PDE4B: variants seen among roughly 807,000 people sequenced by gnomAD.
The protein encoded by PDE4B is phosphodiesterase 4B.
Under a neutral mutation model 82.2 loss-of-function variants are expected in PDE4B, and 20 were observed. The ratio of observed to expected loss-of-function variants is 0.24; its 90% CI spans 0.17 to 0.35. The LOEUF (loss-of-function observed/expected upper bound fraction) is 0.35, where lower values mean the gene tolerates loss of function less well. Ranked by LOEUF, PDE4B falls within the 10% of genes least tolerant of loss-of-function variation. The pLI is 1.00. For synonymous variants in PDE4B, 320 were observed against 318.9 expected (o/e 1.00, Z -0.04); for missense variants, 655 against 907.2 (o/e 0.72, Z 3.57).
At chr1:66,180,506 G>T (rs895938714) in intron 3 of PDE4B, among the ~76,000 whole-genome samples, 1 of 152,152 alleles carries the variant, frequency 6.6e-6, no homozygotes, top group Non-Finnish European at 1.5e-5. Context: ...GCTCAAGTCA[G>T]GGAACTGTTC....
chr1:66,327,558 T>C (rs1259878550), intron 7 of PDE4B, among the ~76,000 whole-genome samples: 2 of 152,226 alleles, frequency 1.3e-5, no homozygotes, highest in Non-Finnish European at 2.9e-5. Context: ...ACTAAAAGGT[T>C]TACAGTCCAT....
At chr1:65,802,475 A>G (rs538754746) in intron 1 of PDE4B, among the ~76,000 whole-genome samples, 2 of 152,168 alleles carry the variant, frequency 1.3e-5, no homozygotes, top group African/African-American at 2.4e-5. Flanking sequence ...TATCTTATGC[A>G]CCAGAACTAT....
rs74795330 is a variant in PDE4B at position 66,143,483 on chromosome 1, T to A, written c.282-103977T>A. 5.5e-4 allele frequency among the ~76,000 whole-genome samples: 83 copies of A among 152,280 alleles called. No individual in the cohort carries two copies. In the East Asian group the frequency reaches 0.016, roughly 29 times the overall value. On this transcript the variant is annotated intron_variant, in intron 3 of 16. Coordinates refer to ENST00000341517, the MANE Select transcript of PDE4B (RefSeq NM_002600.4). ...TGAGACTAATAGGGCTTTGGTTAATTGGAACAGGACAGTGAAGTCAGAAGA... is the reference window on the plus strand; with the variant it reads ...TGAGACTAATAGGGCTTTGGTTAATAGGAACAGGACAGTGAAGTCAGAAGA...
intron 9 of PDE4B, among the ~76,000 whole-genome samples, chr1:66,356,128 G>A (rs561526867): frequency 3.2e-4 from 49 of 152,296 alleles, no homozygotes; most frequent in African/African-American, 1.0e-3. Flanking sequence ...CTATTGCTTT[G>A]CTAAGTTATT....
intron 3 of PDE4B, among the ~76,000 whole-genome samples, chr1:66,084,226 T>C (rs1439969564): frequency 1.3e-5 from 2 of 152,138 alleles, no homozygotes; most frequent in Admixed American, 1.3e-4. Flanking sequence ...AAACATACAA[T>C]ATAATGCTGG....
At chr1:65,879,612 T>C (rs1274772307) in intron 1 of PDE4B, among the ~76,000 whole-genome samples, 1 of 152,038 alleles carries the variant, frequency 6.6e-6, no homozygotes, top group Non-Finnish European at 1.5e-5. Flanking sequence ...AATAGGAAAC[T>C]AGAACCCAGT....
At chr1:66,039,179 A>G (rs1180898116) in intron 3 of PDE4B, among the ~76,000 whole-genome samples, 1 of 152,128 alleles carries the variant, frequency 6.6e-6, no homozygotes, top group South Asian at 2.1e-4. Flanking sequence ...TATTGGACAC[A>G]CAATAGATAA....
intron 3 of PDE4B, among the ~76,000 whole-genome samples, chr1:66,093,343 G>A (rs903690460): frequency 6.6e-6 from 1 of 152,016 alleles, no homozygotes; most frequent in Admixed American, 6.6e-5. Context: ...ACATGATGAG[G>A]TGGGTATTGC....
intron 7 of PDE4B, 25 bp from the exon 8 acceptor site, chr1:66,332,483 T>A: frequency 6.2e-7 from 1 of 1,614,188 alleles, no homozygotes; most frequent in Non-Finnish European, 8.5e-7. Flanking sequence ...CCAGCCTAAC[T>A]ACATGCCTGT....
intron 8 of PDE4B, among the ~76,000 whole-genome samples, chr1:66,343,918 G>A (rs1661205921): frequency 6.6e-6 from 1 of 151,918 alleles, no homozygotes; most frequent in Non-Finnish European, 1.5e-5. Context: ...ACTATCCAGT[G>A]GCAATGTGCA....
intron 3 of PDE4B, among the ~76,000 whole-genome samples, chr1:66,175,603 C>CT (rs546124684): frequency 0.011 from 1,675 of 152,224 alleles, 34 homozygotes; most frequent in African/African-American, 0.038. Context: ...AAAAAGTATT[C>CT]TTTTTTGGGC....
chr1:65,882,506 A>G (rs1271647570), intron 1 of PDE4B, among the ~76,000 whole-genome samples: 3 of 152,194 alleles, frequency 2.0e-5, no homozygotes, highest in African/African-American at 7.2e-5. Context: ...TATAATCTCA[A>G]TGTCTAATAT....
At chr1:66,349,438 G>C (rs1171703459) in intron 8 of PDE4B, among the ~76,000 whole-genome samples, 1 of 152,110 alleles carries the variant, frequency 6.6e-6, no homozygotes, top group African/African-American at 2.4e-5. Flanking sequence ...TTGGCACATG[G>C]ACAGTGAGAA....
chr1:65,943,574 T>G (rs1483553969), intron 3 of PDE4B, among the ~76,000 whole-genome samples: 3 of 152,016 alleles, frequency 2.0e-5, no homozygotes, highest in Non-Finnish European at 4.4e-5. Context: ...TACACTGAAT[T>G]TGTAGATCAC....
At chr1:66,354,206 A>T (rs563087495) in intron 8 of PDE4B, among the ~76,000 whole-genome samples, 2 of 152,166 alleles carry the variant, frequency 1.3e-5, no homozygotes, top group Non-Finnish European at 2.9e-5. Context: ...ATGTTCAGAA[A>T]ATCGATTAAT....
intron 7 of PDE4B, among the ~76,000 whole-genome samples, chr1:66,301,243 T>C (rs969331509): frequency 2.6e-5 from 4 of 152,166 alleles, no homozygotes; most frequent in African/African-American, 4.8e-5. Context: ...TTCTCATTAT[T>C]TCAGAAATCC....
chr1:65,856,003 C>T (rs887407309), intron 1 of PDE4B, among the ~76,000 whole-genome samples: 2 of 151,944 alleles, frequency 1.3e-5, no homozygotes, highest in African/African-American at 4.8e-5. Context: ...TACATGTGGG[C>T]TCATTGTTTC....
intron 3 of PDE4B, among the ~76,000 whole-genome samples, chr1:65,998,753 A>G (rs1474685492): frequency 6.6e-6 from 1 of 152,118 alleles, no homozygotes; most frequent in Non-Finnish European, 1.5e-5. Flanking sequence ...CATGCATCAA[A>G]CAATCAGCAA....
At chr1:66,290,956 G>T (rs978617186) in intron 7 of PDE4B, among the ~76,000 whole-genome samples, 1 of 152,114 alleles carries the variant, frequency 6.6e-6, no homozygotes, top group African/African-American at 2.4e-5. Flanking sequence ...TGGATGCTTT[G>T]TCTTCTACCT....
Sources: gnomAD v4.1 joint callset for allele counts (sites outside exome capture counted in the v4.1 genomes callset) on GRCh38, gnomAD v4.1.1 for gene constraint, MANE v1.5 for transcripts, NCBI Gene and HGNC (gene_info 2026-07-23, HGNC 2026-07-21) for gene names.